FRMPD4: variants seen among roughly 807,000 people sequenced by gnomAD.
FRMPD4 encodes FERM and PDZ domain containing 4.
A neutral mutation model predicts 94.1 loss-of-function variants in FRMPD4; 22 were observed. That is an observed-to-expected ratio of 0.23 (90% confidence interval 0.17 to 0.33). The LOEUF is 0.33. Among genes scored for constraint, FRMPD4 ranks in the 10% least tolerant of loss-of-function variants. FRMPD4 has a pLI of 1.00. For synonymous variants in FRMPD4, 631 were observed against 548.6 expected (o/e 1.15, Z -2.10); for missense variants, 1,111 against 1,339.9 (o/e 0.83, Z 2.67).
At chrX:12,334,322 T>C (rs1307254332) in intron 1 of FRMPD4, among the ~76,000 whole-genome samples, 1 of 111,513 alleles carries the variant, frequency 9.0e-6, no homozygotes, top group Non-Finnish European at 1.9e-5. Context: ...CTTCCTTTTC[T>C]TTCTTTCTCG....
chrX:12,657,085 T>TAAA (rs149487975), intron 4 of FRMPD4, among the ~76,000 whole-genome samples: 1 of 93,459 alleles, frequency 1.1e-5, no homozygotes, highest in African/African-American at 3.9e-5. Flanking sequence ...AAACTCCTTC[T>TAAA]AAAAAAAAAA....
At chrX:12,667,545 G>A (rs1347356408) in intron 4 of FRMPD4, among the ~76,000 whole-genome samples, 3 of 112,266 alleles carry the variant, frequency 2.7e-5, no homozygotes, top group African/African-American at 6.5e-5. Context: ...AAAGAAACAT[G>A]TCAAACTATG....
At chrX:12,371,329 A>T (rs1395962052) in intron 1 of FRMPD4, among the ~76,000 whole-genome samples, 1 of 112,752 alleles carries the variant, frequency 8.9e-6, no homozygotes, top group African/African-American at 3.2e-5. Context: ...CAGCCAGTTT[A>T]TCTGGTCACC....
chrX:12,632,887 C>T (rs1306494920), intron 4 of FRMPD4, among the ~76,000 whole-genome samples: 1 of 112,401 alleles, frequency 8.9e-6, no homozygotes, highest in African/African-American at 3.2e-5. Flanking sequence ...TTTGTACTCC[C>T]TTGCCACCCT....
At position 12,720,049 on chromosome X, in the gene FRMPD4, G is replaced by GGAAA. The variant is rs199713463; in HGVS notation, c.3965-454_3965-451dup. Among the ~76,000 whole-genome samples the GGAAA allele has an allele frequency of 8.8e-4, 35 of 39,578 alleles. No homozygotes were observed. In the South Asian group the frequency reaches 0.013, roughly 14 times the overall value. 34.4% of individuals were successfully genotyped at this position (39,578 alleles called of 115,157 possible). ...GGAAAGGAAAGGAAAGGAAAGGAAA[G>GGAAA]GAAAGAAAGAAAGAAAGAAAGAAAG... is the stretch of plus-strand genomic sequence containing the variant. On this transcript the variant is annotated intron_variant, in intron 16 of 16. Coordinates refer to ENST00000675598, the MANE Select transcript of FRMPD4 (RefSeq NM_001368397.1).
intron 1 of FRMPD4, among the ~76,000 whole-genome samples, chrX:12,207,202 A>T (rs1255921180): frequency 1.8e-5 from 2 of 112,099 alleles, no homozygotes; most frequent in Non-Finnish European, 3.8e-5. Context: ...ATATGCAGAG[A>T]TAAAACAATT....
At chrX:12,153,775 G>A (rs1452658578) in intron 1 of FRMPD4, among the ~76,000 whole-genome samples, 1 of 112,321 alleles carries the variant, frequency 8.9e-6, no homozygotes, top group Non-Finnish European at 1.9e-5. Flanking sequence ...GCAAACCATA[G>A]CCTGTGGGCC....
intron 1 of FRMPD4, among the ~76,000 whole-genome samples, chrX:12,236,339 T>C (rs139509495): frequency 1.4e-3 from 159 of 111,583 alleles, no homozygotes; most frequent in East Asian, 0.01. Context: ...CCAAGTTTGC[T>C]CAACAGTTTT....
intron 1 of FRMPD4, among the ~76,000 whole-genome samples, chrX:12,256,403 C>G (rs949625274): frequency 3.6e-5 from 4 of 112,027 alleles, no homozygotes; most frequent in Non-Finnish European, 7.5e-5. Context: ...TTCTTAAAAA[C>G]TAGTTAGGTC....
At chrX:12,630,843 A>G (rs1309055202) in intron 4 of FRMPD4, among the ~76,000 whole-genome samples, 2 of 111,949 alleles carry the variant, frequency 1.8e-5, no homozygotes, top group Admixed American at 9.5e-5. Context: ...TCTATCTTGT[A>G]AAAAACCCAA....
chrX:11,832,197 A>G (rs2053478937), intron 1 of FRMPD4, among the ~76,000 whole-genome samples: 1 of 111,532 alleles, frequency 9.0e-6, no homozygotes, highest in African/African-American at 3.3e-5. Context: ...TCTGTCTTGC[A>G]GGAGCTTCAC....
chrX:12,222,796 G>C (rs180917922), intron 1 of FRMPD4, among the ~76,000 whole-genome samples: 1 of 112,216 alleles, frequency 8.9e-6, no homozygotes, highest in Admixed American at 9.4e-5. Flanking sequence ...TTGATGTTCA[G>C]TTATGTTGTT....
chrX:12,172,419 T>G (rs1186558940), intron 1 of FRMPD4, among the ~76,000 whole-genome samples: 1 of 111,694 alleles, frequency 9.0e-6, no homozygotes, highest in Non-Finnish European at 1.9e-5. Flanking sequence ...TCTCAAGTCC[T>G]TCCCTAAGTA....
intron 1 of FRMPD4, among the ~76,000 whole-genome samples, chrX:12,255,400 A>G (rs908478959): frequency 8.9e-6 from 1 of 111,754 alleles, no homozygotes; most frequent in African/African-American, 3.3e-5. Context: ...GTGGAGGGTG[A>G]TAGGAGAAGG....
chrX:12,301,823 C>A, intron 1 of FRMPD4, among the ~76,000 whole-genome samples: 1 of 111,899 alleles, frequency 8.9e-6, no homozygotes, highest in South Asian at 3.8e-4. Context: ...GGCTCAATAT[C>A]AACTCTGTAG....
intron 1 of FRMPD4, among the ~76,000 whole-genome samples, chrX:12,327,103 A>G (rs909128361): frequency 9.0e-6 from 1 of 111,605 alleles, no homozygotes; most frequent in African/African-American, 3.3e-5. Flanking sequence ...CACATCCTCT[A>G]TCTGTTCTCT....
chrX:12,058,067 A>G (rs1430838572), intron 3 of FRMPD4, among the ~76,000 whole-genome samples: 1 of 111,455 alleles, frequency 9.0e-6, no homozygotes, highest in African/African-American at 3.3e-5. Flanking sequence ...GGTTGTAGTA[A>G]ATAATTTTTA....
intron 1 of FRMPD4, among the ~76,000 whole-genome samples, chrX:12,467,905 A>T (rs1029630601): frequency 7.2e-5 from 8 of 111,845 alleles, no homozygotes; most frequent in African/African-American, 2.6e-4. Flanking sequence ...AAAGATCAAA[A>T]ATATTAATAG....
At chrX:12,456,334 G>A (rs1173101174) in intron 1 of FRMPD4, among the ~76,000 whole-genome samples, 1 of 110,554 alleles carries the variant, frequency 9.0e-6, no homozygotes, top group African/African-American at 3.3e-5. Flanking sequence ...TTCATTTAGT[G>A]GTACTAGAAC....
Sources: gnomAD v4.1 joint callset for allele counts (sites outside exome capture counted in the v4.1 genomes callset) on GRCh38, gnomAD v4.1.1 for gene constraint, MANE v1.5 for transcripts, NCBI Gene and HGNC (gene_info 2026-07-23, HGNC 2026-07-21) for gene names.